N4BP2L2: variants seen among roughly 807,000 people sequenced by gnomAD.
N4BP2L2 encodes the protein NEDD4 binding protein 2 like 2.
N4BP2L2 carries 50 observed loss-of-function variants against 56.2 expected under a neutral mutation model. The ratio of observed to expected loss-of-function variants is 0.89; its 90% CI spans 0.71 to 1.13. The LOEUF is 1.13. Ranked by LOEUF, N4BP2L2 falls within the 50% of genes most tolerant of loss-of-function variation. The probability of loss-of-function intolerance (pLI) is 0.00; values close to 1 mark genes in which losing one functional copy is unlikely to be tolerated. For missense variants in N4BP2L2, 689 were observed against 693.8 expected, an observed-to-expected ratio of 0.99 and a Z score of 0.08; for synonymous variants, 203 against 223.6, an observed-to-expected ratio of 0.91 and a Z score of 0.82.
chr13:32,442,719 A>G, exon 7 of N4BP2L2: 2 of 1,613,710 alleles, frequency 1.2e-6, no homozygotes, highest in Non-Finnish European at 1.7e-6. Flanking sequence ...ATGGCTTCCA[A>G]ATACTAGATA....
At chr13:32,461,145 G>A (rs912624339) in intron 6 of N4BP2L2, among the ~76,000 whole-genome samples, 1 of 152,092 alleles carries the variant, frequency 6.6e-6, no homozygotes, top group Middle Eastern at 3.2e-3. Context: ...AAAGGCCTAA[G>A]CATAAGATCG....
At chr13:32,498,350 T>C (rs1305929170) in intron 6 of N4BP2L2, among the ~76,000 whole-genome samples, 1 of 152,304 alleles carries the variant, frequency 6.6e-6, no homozygotes, top group South Asian at 2.1e-4. Flanking sequence ...ACTTCATTCA[T>C]TCACTCATTC....
chr13:32,523,970 C>T (rs1214334535), intron 3 of N4BP2L2: 1 of 152,088 alleles, frequency 6.6e-6, no homozygotes, highest in Non-Finnish European at 1.5e-5. Flanking sequence ...GGAAAAGAAG[C>T]CTGAAGCAAA....
intron 6 of N4BP2L2, among the ~76,000 whole-genome samples, chr13:32,500,410 A>C (rs1457555053): frequency 6.6e-6 from 1 of 152,140 alleles, no homozygotes; most frequent in African/African-American, 2.4e-5. Context: ...AATAAAAAGT[A>C]AGCCAGGAAG....
intron 6 of N4BP2L2, among the ~76,000 whole-genome samples, chr13:32,464,975 T>G (rs913682041): frequency 7.2e-5 from 11 of 152,298 alleles, no homozygotes; most frequent in Admixed American, 4.6e-4. Flanking sequence ...TTGTTTGTTT[T>G]TTTTTTCTTT....
At chr13:32,483,837 G>A (rs1340187523) in intron 6 of N4BP2L2, among the ~76,000 whole-genome samples, 2 of 151,838 alleles carry the variant, frequency 1.3e-5, no homozygotes, top group Non-Finnish European at 2.9e-5. Flanking sequence ...TACAAAATTA[G>A]CCAGGTGTAG....
chr13:32,534,852 C>CAAGAT (rs1357396527), intron 2 of N4BP2L2, among the ~76,000 whole-genome samples: 1 of 152,098 alleles, frequency 6.6e-6, no homozygotes, highest in South Asian at 2.1e-4. Context: ...TATATAAACT[C>CAAGAT]AAGATAATTT....
At position 32,500,409 on chromosome 13, in the gene N4BP2L2, T is replaced by C. The variant is rs539796754; in HGVS notation, c.365+17448A>G. ...CAGTTTAAAAGTAGAAAATAAAAAGTAAGCCAGGAAGAACAACATAACTAA... is the reference window on the plus strand; with the variant it reads ...CAGTTTAAAAGTAGAAAATAAAAAGCAAGCCAGGAAGAACAACATAACTAA... On this transcript the variant is annotated intron_variant, in intron 6 of 9. Transcript: ENST00000357505. Among the ~76,000 whole-genome samples, 4 of 152,178 alleles carry C rather than the reference T, an allele frequency of 2.6e-5. No homozygotes were observed. The South Asian group carries it at 6.2e-4, about 24-fold the overall frequency.
At chr13:32,503,172 C>CAAAAAAAAAA (rs35773755) in intron 6 of N4BP2L2, among the ~76,000 whole-genome samples, 7 of 57,994 alleles carry the variant, frequency 1.2e-4, no homozygotes, top group African/African-American at 4.3e-4. Context: ...GACTCTGTAG[C>CAAAAAAAAAA]AAAAAAAAAA....
chr13:32,534,808 T>C (rs1005625275), intron 2 of N4BP2L2, among the ~76,000 whole-genome samples: 13 of 152,250 alleles, frequency 8.5e-5, no homozygotes, highest in East Asian at 1.9e-4. Context: ...AAATTTTCTT[T>C]TTCTCCTTGT....
chr13:32,521,647 G>C, intron 4 of N4BP2L2, 198 bp from the exon 5 acceptor site: 1 of 484,142 alleles, frequency 2.1e-6, no homozygotes, highest in Non-Finnish European at 3.6e-6. Context: ...TCAAGGAATA[G>C]TAATTCCTTA....
chr13:32,507,460 G>C (rs993868550), downstream of N4BP2L2: 1 of 152,046 alleles, frequency 6.6e-6, no homozygotes, highest in Admixed American at 6.6e-5. Flanking sequence ...ACACAGCTGT[G>C]AACAAAATAA....
At chr13:32,534,018 T>C (rs1295041013) in intron 2 of N4BP2L2, among the ~76,000 whole-genome samples, 13 of 152,178 alleles carry the variant, frequency 8.5e-5, no homozygotes, top group Admixed American at 8.5e-4. Context: ...CATACTATAA[T>C]TTTATTGCTA....
intron 6 of N4BP2L2, among the ~76,000 whole-genome samples, chr13:32,503,798 C>T (rs1183127257): frequency 6.6e-6 from 1 of 152,210 alleles, no homozygotes; most frequent in Non-Finnish European, 1.5e-5. Flanking sequence ...GTAATTCCAG[C>T]ACTTCGGGGG....
At chr13:32,466,033 T>C (rs753611838) in intron 6 of N4BP2L2, among the ~76,000 whole-genome samples, 15 of 152,234 alleles carry the variant, frequency 9.9e-5, no homozygotes, top group African/African-American at 1.4e-4. Context: ...ATTGATTTTA[T>C]GGCCCTCTAA....
intron 6 of N4BP2L2, among the ~76,000 whole-genome samples, chr13:32,497,064 GTC>G (rs2088850464): frequency 6.6e-6 from 1 of 152,102 alleles, no homozygotes; most frequent in South Asian, 2.1e-4. Context: ...AGAAAACAAG[GTC>G]TCTTTTGGTC....
Position 32,536,427 on chromosome 13 carries a change from C to A in N4BP2L2, c.601G>T (p.Glu201Ter). The A allele has an allele frequency of 6.2e-7, 1 of 1,613,794 alleles. No homozygotes were observed. The highest frequency in any genetic ancestry group is 8.5e-7 in the Non-Finnish European group (1 of 1,179,932). Residue 201 changes from glutamate to a stop codon, truncating the protein, a stop_gained, in exon 2 of 6, where the codon GAA becomes TAA. Transcript: ENST00000267068. LOFTEE classifies it high-confidence loss of function. ...CCCTCATAAAATGGAACAAATTGTT[C>A]CTGAGAAGGTTCAGATTCTTTACAA... is the stretch of plus-strand genomic sequence containing the variant.
At chr13:32,528,699 A>T (rs1430627404) in intron 2 of N4BP2L2, among the ~76,000 whole-genome samples, 1 of 152,090 alleles carries the variant, frequency 6.6e-6, no homozygotes, top group East Asian at 1.9e-4. Flanking sequence ...TTTTGAGGGG[A>T]TTGGTGGGAT....
At chr13:32,505,148 C>A (rs975796315) in intron 6 of N4BP2L2, 1 of 152,312 alleles carries the variant, frequency 6.6e-6, no homozygotes, top group African/African-American at 2.4e-5. Context: ...TCTCAATCAT[C>A]TTCAGGGTCA....
Sources: allele counts gnomAD v4.1 joint callset (sites outside exome capture counted in the v4.1 genomes callset), GRCh38; gene constraint gnomAD v4.1.1; transcripts MANE v1.5; gene names NCBI Gene and HGNC (gene_info 2026-07-23, HGNC 2026-07-21).